CISH: variants seen among roughly 807,000 people sequenced by gnomAD.
The protein encoded by CISH is cytokine inducible SH2 containing protein.
Under a neutral mutation model 21.3 loss-of-function variants are expected in CISH, and 11 were observed. The ratio of observed to expected loss-of-function variants is 0.52; its 90% CI spans 0.32 to 0.85. The LOEUF (loss-of-function observed/expected upper bound fraction) is 0.85. Among genes scored for constraint, CISH ranks in the 40% least tolerant of loss-of-function variants. The pLI, the probability that CISH is intolerant of heterozygous loss-of-function variation, is 0.03. For missense variants in CISH, 280 were observed against 351.7 expected (o/e 0.80, Z 1.63); for synonymous variants, 118 against 142.3 (o/e 0.83, Z 1.22).
At chr3:50,608,198 A>G in intron 2 of CISH, 56 bp from the exon 3 acceptor site, 1 of 1,559,772 alleles carries the variant, frequency 6.4e-7, no homozygotes, top group Non-Finnish European at 8.7e-7. Context: ...GGGGTAACCA[A>G]TCCAGTGCAA....
rs916821029 is a variant in CISH, at chr3:50,608,436, C to T, written c.178G>A (p.Val60Met). The T allele has an allele frequency of 6.2e-7, 1 of 1,613,840 alleles. No homozygotes were observed. Residue 60 changes from valine to methionine, a missense_variant, in exon 2 of 3, where the codon GTG becomes ATG. Coordinates refer to ENST00000348721, the MANE Select transcript of CISH (RefSeq NM_145071.4). ...TPAQTESEPK[V>M]LDPEEDLLCI... is the part of the protein sequence containing the mutation. Reference sequence around the variant, plus strand: ...AGCAGATCCTCCTCTGGGTCCAGCACCTTTGGCTCACTCTCTGTCTGGGCT... The same window carrying T: ...AGCAGATCCTCCTCTGGGTCCAGCATCTTTGGCTCACTCTCTGTCTGGGCT...
chr3:50,607,619 G>C lies in CISH; in HGVS notation c.765C>G (p.Pro255=). ...TTGCCCCGTACAGTCAGAGCTGGAA[G>C]GGGTACTGTCGGAGGTAGTCGGCCA... ...RRMADYLRQY[P]FQL Residue 255 remains proline (P), a synonymous_variant, in exon 3 of 3, where the codon CCC becomes CCG. Transcript: ENST00000348721. 6.2e-7 allele frequency: 1 copy of C among 1,612,164 alleles called. No individual in the cohort carries two copies. The highest frequency in any genetic ancestry group is 8.5e-7 in the Non-Finnish European group (1 of 1,179,188).
At position 50,607,762 on chromosome 3, in the gene CISH, G is replaced by A. The variant is rs1368166546; in HGVS notation, c.622C>T (p.Leu208=). Reference sequence around the variant, plus strand: ...CGTACAAAGGGCTGCACCAGTTTTAGGTGTACAGCAGTGGCTGGTGGAGGA... The same window carrying A: ...CGTACAAAGGGCTGCACCAGTTTTAAGTGTACAGCAGTGGCTGGTGGAGGA... ...PAPPPATAVH[L]KLVQPFVRRS... is the part of the protein sequence containing the mutation. The change falls in exon 3 of 3, where the codon CTA becomes TTA. Residue 208 remains leucine (L), a synonymous_variant. Transcript: ENST00000348721. 3 of 1,613,922 alleles carry A rather than the reference G, an allele frequency of 1.9e-6. No individual in the cohort carries two copies. In the Admixed American group the frequency reaches 5.0e-5, roughly 27 times the overall value.
chr3:50,610,585 G>A, intron 1 of CISH: 1 of 1,487,470 alleles, frequency 6.7e-7, no homozygotes, highest in East Asian at 2.5e-5. Context: ...GGAGGCTCCT[G>A]GGGTGGAAGG....
Position 50,607,982 on chromosome 3 carries a change from GGCATACTCAAT to G in CISH, c.391_401del (p.Ile131ArgfsTer36), listed in dbSNP as rs763489198. 6.2e-7 allele frequency: 1 copy of G among 1,613,940 alleles called. No individual in the cohort carries two copies. The highest frequency in any genetic ancestry group is 8.5e-7 in the Non-Finnish European group (1 of 1,180,016). ...TGGAGTCCAGACGGAAGCTGGAGTC[GGCATACTCAAT>G]GCGTACATTGGTGGGGCCACGAGTG... On this transcript the variant is annotated frameshift_variant, in exon 3 of 3. Coordinates refer to ENST00000348721, the MANE Select transcript of CISH (RefSeq NM_145071.4). LOFTEE classifies it high-confidence loss of function.
rs2032222944 is a variant in CISH, at chr3:50,608,384, A to T, written c.230T>A (p.Leu77His). ...CCCCTCAGACTCACCAGATTCCCGA[A>T]GGTAGGAGAAGGTCTTGGCTATGCA... The part of the protein sequence containing the change: ...LLCIAKTFSY[L>H]RESGWYWGSI... Residue 77 changes from leucine (L) to histidine (H), a missense_variant, in exon 2 of 3, where the codon CTT (leucine) becomes CAT (histidine). Transcript: ENST00000348721. 6.2e-7 allele frequency: 1 copy of T among 1,601,480 alleles called. No individual in the cohort carries two copies. The highest frequency in any genetic ancestry group is 1.3e-5 in the African/African-American group (1 of 74,420).
rs749611185 is a variant in CISH at position 50,608,417 on chromosome 3, T to A, written c.197A>T (p.Asp66Val). The change falls in exon 2 of 3, where the codon GAT (aspartate) becomes GTT (valine). Residue 66 changes from aspartate to valine, a missense_variant. Coordinates refer to ENST00000348721, the MANE Select transcript of CISH (RefSeq NM_145071.4). Reference protein sequence around the residue: ...SEPKVLDPEEDLLCIAKTFSY... With the variant: ...SEPKVLDPEEVLLCIAKTFSY... ...GAAGGTCTTGGCTATGCACAGCAGATCCTCCTCTGGGTCCAGCACCTTTGG... is the reference window on the plus strand; with the variant it reads ...GAAGGTCTTGGCTATGCACAGCAGAACCTCCTCTGGGTCCAGCACCTTTGG... 1 of 1,613,422 alleles carries A rather than the reference T, an allele frequency of 6.2e-7. No individual in the cohort carries two copies. Among genetic ancestry groups the A allele is most frequent in the Non-Finnish European group, 8.5e-7 (1 of 1,179,668 alleles).
chr3:50,610,316 G>A (rs976451279), intron 1 of CISH: 13 of 1,539,724 alleles, frequency 8.4e-6, no homozygotes, highest in Non-Finnish European at 1.1e-5. Flanking sequence ...GGCTGATGTG[G>A]TAGCTGGGTG....
chr3:50,611,108 C>T (rs2032310200), intron 1 of CISH: 5 of 971,294 alleles, frequency 5.1e-6, no homozygotes, highest in Non-Finnish European at 6.0e-6. Flanking sequence ...CAGGGCCTCC[C>T]GAGAGTTGCA....
Position 50,608,362 on chromosome 3 carries a change from C to G in CISH, c.241+11G>C, listed in dbSNP as rs622502. 1,397,856 of 1,586,880 alleles carry G rather than the reference C, an allele frequency of 0.88. 616,845 individuals are homozygous for G. Among genetic ancestry groups the G allele is most frequent in the Middle Eastern group, 0.93 (5,525 of 5,928 alleles). On this transcript the variant is annotated intron_variant, in intron 2 of 2. Coordinates refer to ENST00000348721, the MANE Select transcript of CISH (RefSeq NM_145071.4). The stretch of plus-strand genomic sequence containing the variant: ...ACTCAGGAAAAGGCCTGCCTCCCCC[C>G]TCAGACTCACCAGATTCCCGAAGGT...
chr3:50,610,385 G>T lies in CISH; in HGVS notation c.20+1246C>A, dbSNP rs1349570565. 6.4e-7 allele frequency: 1 copy of T among 1,551,448 alleles called. No homozygotes were observed. The highest frequency in any genetic ancestry group is 8.7e-7 in the Non-Finnish European group (1 of 1,146,998). ...GGTGAGTGTGTACCTGGGCAGGGGT[G>T]TGTCCATGGCTGTGTCATCATCATG... On this transcript the variant is annotated intron_variant, in intron 1 of 2. Transcript: ENST00000348721.
Position 50,611,723 on chromosome 3 carries a change from C to G in CISH, c.-73G>C. The G allele has an allele frequency of 1.4e-6, 2 of 1,422,864 alleles. No individual in the cohort carries two copies. 88.1% of individuals were successfully genotyped at this position (1,422,864 alleles called of 1,614,324 possible). A position where few individuals can be genotyped will look rare whatever the true frequency, so the allele number is the denominator to read the frequency against. On this transcript the variant is annotated 5_prime_UTR_variant, in exon 1 of 3. Coordinates refer to ENST00000348721, the MANE Select transcript of CISH (RefSeq NM_145071.4). ...GGCGGCTGGAGGGAACCAGTGGGCG[C>G]GGAGCGCGTGCTGGGTAGGCTCCCG...
rs760312690 is a variant in CISH, at chr3:50,607,729, T to C, written c.655A>G (p.Ser219Gly). 40 of 1,613,834 alleles carry C rather than the reference T, an allele frequency of 2.5e-5. No homozygotes were observed. Among genetic ancestry groups the C allele is most frequent in the Middle Eastern group, 1.6e-4 (1 of 6,084 alleles). Reference protein sequence around the residue: ...KLVQPFVRRSSARSLQHLCRL... With the variant: ...KLVQPFVRRSGARSLQHLCRL... Reference sequence around the variant, plus strand: ...CACAGGTGTTGCAGGCTGCGGGCACTGCTTCTGCGTACAAAGGGCTGCACC... The same window carrying C: ...CACAGGTGTTGCAGGCTGCGGGCACCGCTTCTGCGTACAAAGGGCTGCACC... Residue 219 changes from serine to glycine, a missense_variant, in exon 3 of 3, where the codon AGT becomes GGT. By Grantham distance (56) the Ser-to-Gly change is moderately conservative. Coordinates refer to ENST00000348721, the MANE Select transcript of CISH (RefSeq NM_145071.4).
Position 50,607,188 on chromosome 3 carries a change from T to A in CISH, c.*419A>T. The A allele has an allele frequency of 4.7e-6, 1 of 212,098 alleles. No individual in the cohort carries two copies. Among genetic ancestry groups the A allele is most frequent in the South Asian group, 9.2e-5 (1 of 10,830 alleles). 13.1% of individuals were successfully genotyped at this position (212,098 alleles called of 1,614,324 possible). A position where few individuals can be genotyped will look rare whatever the true frequency, so the allele number is the denominator to read the frequency against. ...GTCACTAGTCACTGTCGATCTCAGT[T>A]CCTCTGCATGTCATCCTCCCAGAAA... On this transcript the variant is annotated 3_prime_UTR_variant, in exon 3 of 3. Transcript: ENST00000348721.
In CISH at chr3:50,607,695, A is replaced by G; in HGVS notation, c.689T>C (p.Val230Ala). The change falls in exon 3 of 3, where the codon GTC becomes GCC. Residue 230 changes from valine (V) to alanine (A), a missense_variant. Coordinates refer to ENST00000348721, the MANE Select transcript of CISH (RefSeq NM_145071.4). ...CACGTCGGCCACCAGACGGTTGATG[A>G]CAAGGCGGCACAGGTGTTGCAGGCT... ...ARSLQHLCRL[V>A]INRLVADVDC... The G allele has an allele frequency of 6.2e-7, 1 of 1,613,812 alleles. No homozygotes were observed. The highest frequency in any genetic ancestry group is 8.5e-7 in the Non-Finnish European group (1 of 1,179,946).
intron 1 of CISH, chr3:50,609,099 A>G (rs2032248982): frequency 6.5e-6 from 1 of 152,910 alleles, no homozygotes; most frequent in African/African-American, 2.4e-5. Flanking sequence ...CCCCAGGATT[A>G]TGGTAGGCTG....
chr3:50,608,387 TAGG>T lies in CISH; in HGVS notation c.224_226del (p.Ser75del). The T allele has an allele frequency of 6.2e-7, 1 of 1,603,850 alleles. No homozygotes were observed. Reference sequence around the variant, plus strand: ...CTCAGACTCACCAGATTCCCGAAGGTAGGAGAAGGTCTTGGCTATGCACAGCAG... The same window carrying T: ...CTCAGACTCACCAGATTCCCGAAGGTAGAAGGTCTTGGCTATGCACAGCAG... On this transcript the variant is annotated inframe_deletion, in exon 2 of 3. Transcript: ENST00000348721.
At position 50,607,233 on chromosome 3, in the gene CISH, G is replaced by C. The variant is rs918594983; in HGVS notation, c.*374C>G. ...CAGAAACAGAGGCTGGCTGCCAGTAGGGGTCCTACCCGACCCTGGGGATTG... is the reference window on the plus strand; with the variant it reads ...CAGAAACAGAGGCTGGCTGCCAGTACGGGTCCTACCCGACCCTGGGGATTG... On this transcript the variant is annotated 3_prime_UTR_variant, in exon 3 of 3. Transcript: ENST00000348721. 1 of 243,892 alleles carries C rather than the reference G, an allele frequency of 4.1e-6. No individual in the cohort carries two copies. Among genetic ancestry groups the C allele is most frequent in the African/African-American group, 2.2e-5 (1 of 45,598 alleles). 15.1% of individuals were successfully genotyped at this position (243,892 alleles called of 1,614,324 possible).
intron 1 of CISH, chr3:50,610,111 T>TA (rs1179519828): frequency 1.9e-6 from 1 of 539,478 alleles, no homozygotes; most frequent in Non-Finnish European, 3.4e-6. Context: ...ACCCTGGCTG[T>TA]ACTGTGGGAT....
Sources: gnomAD v4.1 joint callset for allele counts on GRCh38, gnomAD v4.1.1 for gene constraint, MANE v1.5 for transcripts, NCBI Gene and HGNC (gene_info 2026-07-23, HGNC 2026-07-21) for gene names.